Variants in EPHA6 observed in about 807,000 individuals in gnomAD.
EPHA6 encodes the protein ephrin type-A receptor 6.
EPHA6 carries 50 observed loss-of-function variants against 112.0 expected under a neutral mutation model. That is an observed-to-expected ratio of 0.45 (90% confidence interval 0.36 to 0.56). The LOEUF (loss-of-function observed/expected upper bound fraction) is 0.56. Ranked by LOEUF, EPHA6 falls within the 20% of genes least tolerant of loss-of-function variation. EPHA6 has a pLI of 0.00. For synonymous variants in EPHA6, 529 were observed against 490.7 expected (o/e 1.08, Z -1.03); for missense variants, 1,280 against 1,417.4 (o/e 0.90, Z 1.56).
intron 3 of EPHA6, among the ~76,000 whole-genome samples, chr3:97,019,968 T>C (rs1177319411): frequency 6.6e-6 from 1 of 152,236 alleles, no homozygotes; most frequent in East Asian, 1.9e-4. Context: ...TTGAAGTTTT[T>C]TCCACTAAAG....
chr3:97,108,057 G>A (rs1483001152), intron 3 of EPHA6, among the ~76,000 whole-genome samples: 2 of 152,090 alleles, frequency 1.3e-5, no homozygotes, highest in Non-Finnish European at 2.9e-5. Flanking sequence ...TCAAAACATA[G>A]CAGGATACCT....
intron 2 of EPHA6, among the ~76,000 whole-genome samples, chr3:96,948,743 C>A (rs2041397278): frequency 6.6e-6 from 1 of 152,026 alleles, no homozygotes; most frequent in South Asian, 2.1e-4. Context: ...GGTCGCAGTT[C>A]TATTTATCAA....
intron 6 of EPHA6, among the ~76,000 whole-genome samples, chr3:97,416,001 G>T (rs58327999): frequency 0.12 from 18,709 of 151,826 alleles, 3,688 homozygotes; most frequent in African/African-American, 0.41. Flanking sequence ...TCTCCATTTC[G>T]CCTAATTGTC....
intron 12 of EPHA6, among the ~76,000 whole-genome samples, chr3:97,606,590 T>C (rs1045039866): frequency 1.3e-5 from 2 of 151,472 alleles, no homozygotes; most frequent in South Asian, 2.1e-4. Context: ...GGATTTGAAC[T>C]GAATGAGGAT....
At chr3:96,933,615 G>A (rs1249061799) in intron 2 of EPHA6, among the ~76,000 whole-genome samples, 2 of 152,022 alleles carry the variant, frequency 1.3e-5, no homozygotes, top group Non-Finnish European at 2.9e-5. Context: ...TGTAAGAAGT[G>A]GGAAAGTAAG....
intron 14 of EPHA6, among the ~76,000 whole-genome samples, chr3:97,719,079 G>GCCCCCCCCC (rs1221687957): frequency 7.3e-5 from 3 of 41,116 alleles, no homozygotes; most frequent in Non-Finnish European, 1.2e-4. Flanking sequence ...ATCCGTTCCC[G>GCCCCCCCCC]CCCCCCCCAC....
At position 97,749,032 on chromosome 3, in the gene EPHA6, G is replaced by A; in HGVS notation, c.*331G>A. On this transcript the variant is annotated 3_prime_UTR_variant, in exon 18 of 18. Transcript: ENST00000389672. ...AACCTAAAAAAATTTATCCAGGTGGGGCTTCCTTAGTGATGTATGTAGAGT... is the reference window on the plus strand; with the variant it reads ...AACCTAAAAAAATTTATCCAGGTGGAGCTTCCTTAGTGATGTATGTAGAGT... 1 of 318,738 alleles carries A rather than the reference G, an allele frequency of 3.1e-6. No individual in the cohort carries two copies. Among genetic ancestry groups the A allele is most frequent in the Non-Finnish European group, 6.0e-6 (1 of 166,910 alleles). 19.7% of individuals were successfully genotyped at this position (318,738 alleles called of 1,614,324 possible). A position where few individuals can be genotyped will look rare whatever the true frequency, so the allele number is the denominator to read the frequency against.
intron 10 of EPHA6, among the ~76,000 whole-genome samples, chr3:97,520,188 C>T (rs145009074): frequency 2.0e-3 from 298 of 152,108 alleles, no homozygotes; most frequent in African/African-American, 6.7e-3. Flanking sequence ...AGGATGGTCT[C>T]GATCTCCTGA....
chr3:97,423,937 C>G (rs1188945942), intron 6 of EPHA6, among the ~76,000 whole-genome samples: 1 of 152,178 alleles, frequency 6.6e-6, no homozygotes, highest in African/African-American at 2.4e-5. Flanking sequence ...GCAGAAATAA[C>G]TGGTTAGTCA....
At chr3:96,951,667 C>G (rs1263986273) in intron 2 of EPHA6, among the ~76,000 whole-genome samples, 1 of 152,072 alleles carries the variant, frequency 6.6e-6, no homozygotes, top group Non-Finnish European at 1.5e-5. Context: ...ACCTGAAAAT[C>G]AGATAAATTT....
intron 5 of EPHA6, among the ~76,000 whole-genome samples, chr3:97,382,124 G>A (rs954893510): frequency 6.6e-6 from 1 of 152,052 alleles, no homozygotes; most frequent in African/African-American, 2.4e-5. Flanking sequence ...TGATGAGCAT[G>A]TTTTAAATGA....
In EPHA6 at chr3:97,190,737, G is replaced by A. The variant is rs115909497; in HGVS notation, c.1115-35527G>A. The stretch of plus-strand genomic sequence containing the variant: ...TATTTTTTGTGGAGGGGAGCGGGGA[G>A]GGATAGCATTGGGAGATATACCTAA... On this transcript the variant is annotated intron_variant, in intron 3 of 17. Transcript: ENST00000389672. Among the ~76,000 whole-genome samples, 1,070 of 152,042 alleles carry A rather than the reference G, an allele frequency of 7.0e-3. 17 individuals carry two copies. Among genetic ancestry groups the A allele is most frequent in the African/African-American group, 0.025 (1,026 of 41,464 alleles).
At chr3:97,058,300 T>TGTC (rs1241030734) in intron 3 of EPHA6, among the ~76,000 whole-genome samples, 1 of 151,982 alleles carries the variant, frequency 6.6e-6, no homozygotes, top group Non-Finnish European at 1.5e-5. Flanking sequence ...TTTTTTTTGT[T>TGTC]GTTGTTGTTG....
intron 3 of EPHA6, among the ~76,000 whole-genome samples, chr3:97,148,624 C>A (rs146434795): frequency 0.018 from 2,673 of 152,130 alleles, 38 homozygotes; most frequent in Non-Finnish European, 0.028. Flanking sequence ...TGTTAATTCT[C>A]TATTTTATAT....
intron 5 of EPHA6, among the ~76,000 whole-genome samples, chr3:97,276,144 TAAG>T (rs555625757): frequency 6.6e-6 from 1 of 152,030 alleles, no homozygotes; most frequent in Non-Finnish European, 1.5e-5. Context: ...CTGTATTGAT[TAAG>T]AAGGTGACGG....
intron 3 of EPHA6, among the ~76,000 whole-genome samples, chr3:97,163,442 A>C (rs959103188): frequency 6.6e-6 from 1 of 152,160 alleles, no homozygotes; most frequent in East Asian, 1.9e-4. Context: ...TATATTCAAA[A>C]TTATATTATA....
chr3:97,634,412 A>G (rs1373873347), intron 13 of EPHA6, among the ~76,000 whole-genome samples: 1 of 151,962 alleles, frequency 6.6e-6, no homozygotes, highest in Non-Finnish European at 1.5e-5. Context: ...TAAACAGTAG[A>G]TAGACCAATT....
At chr3:97,224,328 G>A in intron 3 of EPHA6, among the ~76,000 whole-genome samples, 1 of 152,182 alleles carries the variant, frequency 6.6e-6, no homozygotes, top group South Asian at 2.1e-4. Flanking sequence ...CTCAAGAACA[G>A]TTCGAATATC....
In EPHA6 at chr3:96,954,773, C is replaced by CTTTTTTTTTTT. The variant is rs10612575; in HGVS notation, c.451-32536_451-32526dup. Among the ~76,000 whole-genome samples, 27 of 72,686 alleles carry CTTTTTTTTTTT rather than the reference C, an allele frequency of 3.7e-4. 4 individuals carry two copies. Among genetic ancestry groups the CTTTTTTTTTTT allele is most frequent in the African/African-American group, 1.4e-3 (26 of 18,168 alleles). The allele number at this position is 72,686 out of a possible 152,430, so 47.7% of individuals were successfully genotyped here. ...TAGTCTTAAATTTTTACTGGTGTGC[C>CTTTTTTTTTTT]TTTTTTTTTTTTTTTTTTTTTTTTT... is the stretch of plus-strand genomic sequence containing the variant. On this transcript the variant is annotated intron_variant, in intron 2 of 17. Transcript: ENST00000389672.
Sources: allele counts gnomAD v4.1 joint callset (sites outside exome capture counted in the v4.1 genomes callset), GRCh38; gene constraint gnomAD v4.1.1; transcripts MANE v1.5; gene names NCBI Gene and HGNC (gene_info 2026-07-23, HGNC 2026-07-21).